EFNA5: variants seen among roughly 807,000 people sequenced by gnomAD.
The protein encoded by EFNA5 is ephrin-A5.
A neutral mutation model predicts 22.9 loss-of-function variants in EFNA5; 5 were observed. The observed-to-expected ratio is 0.22, with a 90% CI of 0.11 to 0.46. The LOEUF (loss-of-function observed/expected upper bound fraction) is 0.46, where lower values mean the gene tolerates loss of function less well. Among genes scored for constraint, EFNA5 ranks in the 20% least tolerant of loss-of-function variants. The pLI is 0.99. For synonymous variants in EFNA5, 113 were observed against 112.2 expected (o/e 1.01, Z -0.04); for missense variants, 237 against 293.3 (o/e 0.81, Z 1.40).
chr5:107,598,322 A>G (rs1280087973), intron 1 of EFNA5, among the ~76,000 whole-genome samples: 2 of 152,294 alleles, frequency 1.3e-5, no homozygotes, highest in East Asian at 1.9e-4. Context: ...CATCTTATCC[A>G]TAATCACTGG....
intron 1 of EFNA5, among the ~76,000 whole-genome samples, chr5:107,633,758 C>T (rs1750311860): frequency 6.6e-6 from 1 of 152,224 alleles, no homozygotes; most frequent in African/African-American, 2.4e-5. Context: ...ACCTCCTGTT[C>T]ACTGCCCACA....
At chr5:107,613,451 C>T (rs1371606485) in intron 1 of EFNA5, among the ~76,000 whole-genome samples, 3 of 151,954 alleles carry the variant, frequency 2.0e-5, no homozygotes, top group Admixed American at 6.6e-5. Context: ...ACCAAAACCC[C>T]GTTAAAAACT....
intron 1 of EFNA5, among the ~76,000 whole-genome samples, chr5:107,628,619 CA>C (rs1274721906): frequency 1.3e-5 from 2 of 151,888 alleles, no homozygotes; most frequent in African/African-American, 2.4e-5. Context: ...CATATTATAC[CA>C]GGGGAACCAT....
At chr5:107,659,665 A>C (rs1750903696) in intron 1 of EFNA5, among the ~76,000 whole-genome samples, 1 of 151,556 alleles carries the variant, frequency 6.6e-6, no homozygotes, top group Non-Finnish European at 1.5e-5. Flanking sequence ...GTCAATGAAA[A>C]ATCTAGAGCT....
intron 4 of EFNA5, among the ~76,000 whole-genome samples, chr5:107,384,768 AT>A (rs61305329): frequency 0.018 from 1,694 of 92,700 alleles, 20 homozygotes; most frequent in African/African-American, 0.044. Context: ...CACACACCAC[AT>A]TTTTTTTTTT....
In EFNA5 at chr5:107,378,751, T is replaced by A. The variant is rs1480940376; in HGVS notation, c.*2504A>T. ...TGAAAGACAATGGCAGAGAGGGCCATGAGTAATTATTTCACCATTTGTTAG... is the reference window on the plus strand; with the variant it reads ...TGAAAGACAATGGCAGAGAGGGCCAAGAGTAATTATTTCACCATTTGTTAG... On this transcript the variant is annotated 3_prime_UTR_variant, in exon 5 of 5. Transcript: ENST00000333274. The A allele has an allele frequency of 6.6e-6, 1 of 152,222 alleles. No individual in the cohort carries two copies. Among genetic ancestry groups the A allele is most frequent in the African/African-American group, 2.4e-5 (1 of 41,470 alleles). 9.4% of individuals were successfully genotyped at this position (152,222 alleles called of 1,614,324 possible). A position where few individuals can be genotyped will look rare whatever the true frequency, so the allele number is the denominator to read the frequency against.
chr5:107,436,765 C>T (rs1020529586), intron 1 of EFNA5, among the ~76,000 whole-genome samples: 3 of 152,094 alleles, frequency 2.0e-5, no homozygotes, highest in African/African-American at 7.2e-5. Flanking sequence ...CAGGATTAAA[C>T]AAACTGACTC....
chr5:107,389,654 G>A (rs1247325669), intron 2 of EFNA5, among the ~76,000 whole-genome samples: 1 of 152,140 alleles, frequency 6.6e-6, no homozygotes, highest in Non-Finnish European at 1.5e-5. Context: ...TTTTCTTTAG[G>A]AGAAATAAAT....
intron 1 of EFNA5, among the ~76,000 whole-genome samples, chr5:107,627,424 A>G (rs1219859097): frequency 6.6e-6 from 1 of 152,138 alleles, no homozygotes; most frequent in Non-Finnish European, 1.5e-5. Context: ...TACAACACAC[A>G]CCAAAAATAA....
At chr5:107,574,721 C>T (rs919779658) in intron 1 of EFNA5, among the ~76,000 whole-genome samples, 1 of 152,162 alleles carries the variant, frequency 6.6e-6, no homozygotes, top group Non-Finnish European at 1.5e-5. Context: ...AACTCTAATG[C>T]CTGTCTTTAA....
At chr5:107,635,114 A>C (rs1179624071) in intron 1 of EFNA5, among the ~76,000 whole-genome samples, 1 of 152,220 alleles carries the variant, frequency 6.6e-6, no homozygotes, top group African/African-American at 2.4e-5. Flanking sequence ...TGTGGTTTCC[A>C]GAAGGCTTCA....
intron 1 of EFNA5, among the ~76,000 whole-genome samples, chr5:107,493,158 T>C (rs994793702): frequency 6.6e-6 from 1 of 152,024 alleles, no homozygotes; most frequent in Non-Finnish European, 1.5e-5. Flanking sequence ...TCCAGAATAA[T>C]TACTTTTATT....
intron 1 of EFNA5, among the ~76,000 whole-genome samples, chr5:107,496,865 G>A (rs1294851472): frequency 6.6e-6 from 1 of 152,214 alleles, no homozygotes; most frequent in Non-Finnish European, 1.5e-5. Flanking sequence ...AGACAAAGTA[G>A]TTTTCAGAAA....
chr5:107,641,037 CAGATAGAT>C (rs59357736), intron 1 of EFNA5, among the ~76,000 whole-genome samples: 22 of 149,254 alleles, frequency 1.5e-4, no homozygotes, highest in Non-Finnish European at 2.4e-4. Flanking sequence ...GACAGACAGA[CAGATAGAT>C]AGATAGAATG....
chr5:107,447,312 T>C (rs1257294480), intron 1 of EFNA5, among the ~76,000 whole-genome samples: 2 of 152,214 alleles, frequency 1.3e-5, no homozygotes, highest in Admixed American at 6.5e-5. Flanking sequence ...ACTTAAACTT[T>C]AAAATTACGC....
intron 1 of EFNA5, among the ~76,000 whole-genome samples, chr5:107,528,161 A>G (rs1747735943): frequency 1.3e-5 from 2 of 152,144 alleles, no homozygotes; most frequent in Admixed American, 1.3e-4. Context: ...GAATGGTAGT[A>G]CTTACCCCGC....
At chr5:107,438,195 G>C (rs937895297) in intron 1 of EFNA5, among the ~76,000 whole-genome samples, 3 of 152,124 alleles carry the variant, frequency 2.0e-5, no homozygotes, top group African/African-American at 7.2e-5. Context: ...AGGCGGAGAA[G>C]CTTATTATTT....
chr5:107,413,164 C>T (rs1373426619), intron 2 of EFNA5, among the ~76,000 whole-genome samples: 6 of 152,174 alleles, frequency 3.9e-5, no homozygotes, highest in African/African-American at 2.4e-5. Flanking sequence ...AGCCAAAACC[C>T]AGGCCTCCTC....
intron 1 of EFNA5, among the ~76,000 whole-genome samples, chr5:107,499,917 T>A (rs1747092074): frequency 6.6e-6 from 1 of 152,168 alleles, no homozygotes; most frequent in Non-Finnish European, 1.5e-5. Context: ...CTGGAATATC[T>A]GAGAGGGGCC....
Sources: allele counts gnomAD v4.1 joint callset (sites outside exome capture counted in the v4.1 genomes callset), GRCh38; gene constraint gnomAD v4.1.1; transcripts MANE v1.5; gene names NCBI Gene and HGNC (gene_info 2026-07-23, HGNC 2026-07-21).